Variants in LSP1 observed in about 807,000 individuals in gnomAD.
LSP1 encodes lymphocyte-specific protein 1.
In LSP1, 32 loss-of-function variants were observed where a neutral mutation model predicts 49.3. That is an observed-to-expected ratio of 0.65 (90% CI 0.49 to 0.87). LSP1 has a LOEUF of 0.87. Among genes scored for constraint, LSP1 ranks in the 40% least tolerant of loss-of-function variants. The pLI is 0.00. For synonymous variants in LSP1, 179 were observed against 178.8 expected, an observed-to-expected ratio of 1.00 and a Z score of -0.01; for missense variants, 428 against 442.6, an observed-to-expected ratio of 0.97 and a Z score of 0.30.
At chr11:1,865,749 A>T (rs112465723) in intron 1 of LSP1, among the ~76,000 whole-genome samples, 5,392 of 150,592 alleles carry the variant, frequency 0.036, 349 homozygotes, top group African/African-American at 0.12. Flanking sequence ...AGCCCCCAAA[A>T]TGAAGGGCCC....
intron 3 of LSP1, among the ~76,000 whole-genome samples, chr11:1,881,869 C>T (rs1311230747): frequency 2.6e-5 from 4 of 152,210 alleles, no homozygotes; most frequent in African/African-American, 4.8e-5. Flanking sequence ...TGGTGGCCGG[C>T]GAGGGGCCGC....
chr11:1,887,362 A>G (rs191310272), intron 9 of LSP1, 48 bp downstream of exon 9: 11 of 1,588,204 alleles, frequency 6.9e-6, no homozygotes, highest in Non-Finnish European at 9.5e-6. Flanking sequence ...GCAGCAGGGG[A>G]GGGCAAAGAG....
chr11:1,868,295 T>C (rs551468491), intron 1 of LSP1, among the ~76,000 whole-genome samples: 3 of 152,238 alleles, frequency 2.0e-5, no homozygotes, highest in African/African-American at 7.2e-5. Context: ...TGGCAGACGT[T>C]CTTATCAAGC....
chr11:1,888,882 G>A (rs956780083), intron 10 of LSP1: 8 of 402,284 alleles, frequency 2.0e-5, no homozygotes, highest in Middle Eastern at 6.2e-4. Context: ...CCTACATCCC[G>A]ACGCAGACCC....
At chr11:1,883,832 G>A in intron 4 of LSP1, 100 bp from the exon 5 acceptor site, 4 of 1,176,444 alleles carry the variant, frequency 3.4e-6, no homozygotes, top group South Asian at 2.9e-5. Context: ...CAGAGAACCT[G>A]GGGCTCAGGA....
chr11:1,869,948 G>A (rs1241518919), intron 1 of LSP1, among the ~76,000 whole-genome samples: 2 of 152,130 alleles, frequency 1.3e-5, no homozygotes, highest in East Asian at 3.9e-4. Context: ...CGGTTCTTGG[G>A]GGTTGAGGGG....
intron 10 of LSP1, 62 bp downstream of exon 10, chr11:1,887,638 T>C (rs1848813645): frequency 7.1e-7 from 1 of 1,403,194 alleles, no homozygotes; most frequent in Non-Finnish European, 1.0e-6. Context: ...TGCTGGGAAC[T>C]TGGCAACCTG....
Position 1,883,477 on chromosome 11 carries a change from A to G in LSP1, c.415A>G (p.Ser139Gly), listed in dbSNP as rs1473317251. 1 of 1,614,074 alleles carries G rather than the reference A, an allele frequency of 6.2e-7. No individual in the cohort carries two copies. ...TGATGAAGTCCACCTGGAGGAGTTG[A>G]GTCTGAGCAAGGAGGGGCCAGGCCC... ...DSDEVHLEEL[S>G]LSKEGPGPED... is the part of the protein sequence containing the mutation. The change falls in exon 4 of 11, where the codon AGT becomes GGT. Residue 139 changes from serine (S) to glycine (G), a missense_variant. Coordinates refer to ENST00000311604, the MANE Select transcript of LSP1 (RefSeq NM_002339.3).
At chr11:1,879,196 T>G (rs1387673232) in intron 1 of LSP1, among the ~76,000 whole-genome samples, 1 of 151,982 alleles carries the variant, frequency 6.6e-6, no homozygotes, top group African/African-American at 2.4e-5. Context: ...AAATACAAAA[T>G]TAGCCGGGTA....
rs76477781 is a variant in LSP1, at chr11:1,882,494, G to A, written c.356+898G>A. Among the ~76,000 whole-genome samples the A allele has an allele frequency of 3.3e-3, 509 of 151,962 alleles. 1 individual carries two copies. The highest frequency in any genetic ancestry group is 6.0e-3 in the Non-Finnish European group (410 of 67,894). On this transcript the variant is annotated intron_variant, in intron 3 of 10. Transcript: ENST00000311604. ...GTCCTGGCCTGGCGCAGTGCCCACC[G>A]CCCCCCTCCCTGGGCCTCAGTCTCC...
intron 1 of LSP1, among the ~76,000 whole-genome samples, chr11:1,853,486 G>A (rs1250524268): frequency 6.6e-6 from 1 of 152,230 alleles, no homozygotes. Flanking sequence ...TGCCTGAAGC[G>A]AGGAGACCCC....
chr11:1,869,799 G>C, intron 1 of LSP1: 1 of 317,674 alleles, frequency 3.1e-6, no homozygotes. Context: ...AGGAGGGGGC[G>C]TGGGGGGGGC....
intron 1 of LSP1, chr11:1,871,221 A>G (rs918562156): frequency 4.1e-5 from 40 of 986,340 alleles, no homozygotes; most frequent in Non-Finnish European, 4.8e-5. Flanking sequence ...GGGAAGAAAG[A>G]GCAGGCACGG....
intron 1 of LSP1, chr11:1,871,253 G>GCCGC: frequency 1.0e-6 from 1 of 986,802 alleles, no homozygotes. Context: ...CCGCAGCCAC[G>GCCGC]CCGCCGGGAT....
At chr11:1,881,942 A>G (rs1007791750) in intron 3 of LSP1, among the ~76,000 whole-genome samples, 1 of 152,162 alleles carries the variant, frequency 6.6e-6, no homozygotes, top group African/African-American at 2.4e-5. Flanking sequence ...CTGCGAGGCC[A>G]GGCCGGGTGC....
intron 1 of LSP1, among the ~76,000 whole-genome samples, chr11:1,874,747 G>A (rs754814496): frequency 6.6e-6 from 1 of 152,152 alleles, no homozygotes; most frequent in Non-Finnish European, 1.5e-5. Flanking sequence ...GGCTGCAGAC[G>A]GAGGAGTGGA....
At chr11:1,870,340 GA>G in intron 1 of LSP1, 1 of 1,285,204 alleles carries the variant, frequency 7.8e-7, no homozygotes, top group Non-Finnish European at 1.0e-6. Context: ...AGCACCCGGG[GA>G]CATACACCGG....
chr11:1,877,287 T>C (rs540342998), intron 1 of LSP1, among the ~76,000 whole-genome samples: 59 of 152,080 alleles, frequency 3.9e-4, no homozygotes, highest in South Asian at 2.9e-3. Flanking sequence ...ACTCATATCC[T>C]GGGGTAGGGG....
intron 1 of LSP1, among the ~76,000 whole-genome samples, chr11:1,873,948 C>CGGCAGAGGAGGGAGGCT (rs1848170684): frequency 3.8e-5 from 3 of 78,596 alleles, no homozygotes; most frequent in Non-Finnish European, 5.2e-5. Flanking sequence ...GGAGGGAGGC[C>CGGCAGAGGAGGGAGGCT]GGCAGAGCAG....
Sources: gnomAD v4.1 joint callset for allele counts (sites outside exome capture counted in the v4.1 genomes callset) on GRCh38, gnomAD v4.1.1 for gene constraint, MANE v1.5 for transcripts, NCBI Gene and HGNC (gene_info 2026-07-23, HGNC 2026-07-21) for gene names.